CNTNAP2: variants seen among roughly 807,000 people sequenced by gnomAD.
CNTNAP2 encodes the protein contactin associated protein 2.
Under a neutral mutation model 155.2 loss-of-function variants are expected in CNTNAP2, and 98 were observed. The observed-to-expected ratio is 0.63, with a 90% CI of 0.54 to 0.75. CNTNAP2 has a LOEUF of 0.75. CNTNAP2 is among the 30% of genes least tolerant of loss of function. The pLI is 0.00. For missense variants in CNTNAP2, 1,727 were observed against 1,688.1 expected, an observed-to-expected ratio of 1.02 and a Z score of -0.40; for synonymous variants, 651 against 631.2, an observed-to-expected ratio of 1.03 and a Z score of -0.47.
At chr7:146,868,721 G>A (rs1795251326) in intron 3 of CNTNAP2, among the ~76,000 whole-genome samples, 1 of 151,990 alleles carries the variant, frequency 6.6e-6, no homozygotes, top group Non-Finnish European at 1.5e-5. Context: ...TCATTGTAGA[G>A]ATCTTTCACC....
intron 1 of CNTNAP2, among the ~76,000 whole-genome samples, chr7:146,673,418 A>G (rs1016350208): frequency 5.9e-5 from 9 of 152,176 alleles, no homozygotes; most frequent in African/African-American, 2.4e-5. Context: ...ACGAAACAGA[A>G]ATGTTGAATT....
chr7:147,250,033 G>A (rs1334742184), intron 8 of CNTNAP2, among the ~76,000 whole-genome samples: 3 of 152,166 alleles, frequency 2.0e-5, no homozygotes, highest in Non-Finnish European at 4.4e-5. Context: ...AGGCACATCA[G>A]AATCACCTGG....
intron 15 of CNTNAP2, among the ~76,000 whole-genome samples, chr7:148,108,472 G>A (rs1441645545): frequency 1.3e-5 from 2 of 152,182 alleles, no homozygotes; most frequent in Non-Finnish European, 2.9e-5. Flanking sequence ...GGGCAGACAT[G>A]GGTGAGGTTG....
At chr7:147,662,846 C>T (rs1019819621) in intron 13 of CNTNAP2, among the ~76,000 whole-genome samples, 29 of 152,128 alleles carry the variant, frequency 1.9e-4, no homozygotes, top group Admixed American at 5.2e-4. Flanking sequence ...CAACGAAAGC[C>T]GACAGACTAC....
intron 2 of CNTNAP2, among the ~76,000 whole-genome samples, chr7:146,835,550 A>G (rs988962761): frequency 3.9e-5 from 6 of 152,214 alleles, no homozygotes; most frequent in Non-Finnish European, 8.8e-5. Context: ...AAATAGGAAG[A>G]TGAATGATAT....
At chr7:147,128,125 A>C (rs536074424) in intron 6 of CNTNAP2, among the ~76,000 whole-genome samples, 1 of 152,256 alleles carries the variant, frequency 6.6e-6, no homozygotes, top group African/African-American at 2.4e-5. Flanking sequence ...CCAAATCCTA[A>C]GTGGTCCCTA....
At chr7:147,617,542 C>T (rs756366508) in intron 12 of CNTNAP2, among the ~76,000 whole-genome samples, 1 of 152,054 alleles carries the variant, frequency 6.6e-6, no homozygotes, top group Non-Finnish European at 1.5e-5. Flanking sequence ...ATAGTATCTG[C>T]ATATTGCCCC....
chr7:147,583,503 C>T (rs1584831060), intron 12 of CNTNAP2, among the ~76,000 whole-genome samples: 2 of 129,166 alleles, frequency 1.5e-5, no homozygotes, highest in Non-Finnish European at 3.2e-5. Context: ...AAAGACATGA[C>T]ATATATATAT....
intron 1 of CNTNAP2, among the ~76,000 whole-genome samples, chr7:146,471,673 G>C (rs553367285): frequency 3.3e-5 from 5 of 152,194 alleles, no homozygotes; most frequent in Admixed American, 3.3e-4. Flanking sequence ...GATAAATGGC[G>C]TGTTTGAACT....
At chr7:148,209,168 C>G (rs1201105873) in intron 18 of CNTNAP2, among the ~76,000 whole-genome samples, 1 of 152,138 alleles carries the variant, frequency 6.6e-6, no homozygotes, top group Non-Finnish European at 1.5e-5. Flanking sequence ...CTCTGTTGCC[C>G]CAGCTGGAGT....
rs139741681 is a variant in CNTNAP2, at chr7:147,388,841, A to C, written c.1499-6768A>C. The stretch of plus-strand genomic sequence containing the variant: ...GTGATCTGCCCACCTCAGCATCCCA[A>C]AGTGCTGAGATTACAGGCGTGAACA... On this transcript the variant is annotated intron_variant, in intron 9 of 23. Transcript: ENST00000361727. Among the ~76,000 whole-genome samples the C allele has an allele frequency of 3.7e-3, 565 of 152,292 alleles. 3 individuals carry two copies. Among genetic ancestry groups the C allele is most frequent in the African/African-American group, 0.013 (529 of 41,570 alleles).
At chr7:148,338,560 GA>G (rs1465133401) in intron 21 of CNTNAP2, among the ~76,000 whole-genome samples, 4 of 150,198 alleles carry the variant, frequency 2.7e-5, no homozygotes, top group Non-Finnish European at 3.0e-5. Flanking sequence ...GTGGGGGGGT[GA>G]GGGGGGGGTG....
At chr7:146,776,454 T>G (rs1802391527) in intron 2 of CNTNAP2, among the ~76,000 whole-genome samples, 1 of 152,076 alleles carries the variant, frequency 6.6e-6, no homozygotes, top group South Asian at 2.1e-4. Flanking sequence ...ATAAAGAAAT[T>G]GTGGCCACAT....
intron 8 of CNTNAP2, among the ~76,000 whole-genome samples, chr7:147,296,149 T>C (rs977526399): frequency 2.6e-5 from 4 of 152,290 alleles, no homozygotes; most frequent in South Asian, 2.1e-4. Context: ...TTATTTAGGA[T>C]TGGATTTGGG....
At chr7:146,612,767 T>G (rs1048146942) in intron 1 of CNTNAP2, among the ~76,000 whole-genome samples, 2 of 152,222 alleles carry the variant, frequency 1.3e-5, no homozygotes, top group Non-Finnish European at 2.9e-5. Context: ...TACTTAGGTA[T>G]GTACTCATTA....
At chr7:146,525,305 C>A (rs536035559) in intron 1 of CNTNAP2, among the ~76,000 whole-genome samples, 1 of 146,282 alleles carries the variant, frequency 6.8e-6, no homozygotes, top group Non-Finnish European at 1.5e-5. Context: ...TTCGAAACAA[C>A]GCCACTTACA....
intron 15 of CNTNAP2, among the ~76,000 whole-genome samples, chr7:148,114,498 G>C (rs181871006): frequency 2.6e-5 from 4 of 152,134 alleles, no homozygotes; most frequent in Non-Finnish European, 5.9e-5. Context: ...GGCTTTCATG[G>C]AGTCTATGAT....
intron 21 of CNTNAP2, among the ~76,000 whole-genome samples, chr7:148,323,825 C>T (rs979600926): frequency 2.6e-4 from 39 of 151,446 alleles, no homozygotes; most frequent in African/African-American, 9.4e-4. Flanking sequence ...GTCTGTGGGT[C>T]AACCTTTCCG....
At chr7:147,090,597 A>G (rs1800381465) in intron 4 of CNTNAP2, among the ~76,000 whole-genome samples, 1 of 152,154 alleles carries the variant, frequency 6.6e-6, no homozygotes, top group Non-Finnish European at 1.5e-5. Flanking sequence ...AGAAATGTGT[A>G]TCTCTTTTAG....
Sources: allele counts gnomAD v4.1 joint callset (sites outside exome capture counted in the v4.1 genomes callset), GRCh38; gene constraint gnomAD v4.1.1; transcripts MANE v1.5; gene names NCBI Gene and HGNC (gene_info 2026-07-23, HGNC 2026-07-21).